DRC11L: variants seen among roughly 807,000 people sequenced by gnomAD.
The protein encoded by DRC11L is dynein regulatory complex subunit 11 like.
the DRC11L span, chr7:151,203,104 G>A: frequency 2.5e-6 from 1 of 399,244 alleles, no homozygotes; most frequent in Non-Finnish European, 4.4e-6. Context: ...GCTCTGGCCA[G>A]AGCAGGGGCA....
At chr7:151,192,441 G>T in the DRC11L span, 4 of 399,314 alleles carry the variant, frequency 1.0e-5, no homozygotes, top group African/African-American at 8.2e-5. Flanking sequence ...TTCTTTATCC[G>T]CTTTGGGTCC....
At chr7:151,205,028 G>A in the DRC11L span, among the ~76,000 whole-genome samples, 1 of 152,244 alleles carries the variant, frequency 6.6e-6, no homozygotes, top group Admixed American at 6.5e-5. Flanking sequence ...CTTAGGGAGA[G>A]TGTGGGATTG....
chr7:151,197,154 C>T, the DRC11L span: 4 of 399,694 alleles, frequency 1.0e-5, 1 homozygote, highest in East Asian at 3.6e-5. Context: ...CGAGTTCCCC[C>T]ACACCTTCTC....
At chr7:151,203,020 C>G in the DRC11L span, 2 of 399,796 alleles carry the variant, frequency 5.0e-6, no homozygotes, top group Non-Finnish European at 8.8e-6. Context: ...GAAGGTGGCT[C>G]GAAGCCGGCC....
At chr7:151,196,687 G>C in the DRC11L span, 137 of 398,162 alleles carry the variant, frequency 3.4e-4, no homozygotes, top group Non-Finnish European at 5.6e-4. Flanking sequence ...CAGGAGCCAG[G>C]CCCTGGCTGG....
chr7:151,195,367 C>T, the DRC11L span: 31 of 398,984 alleles, frequency 7.8e-5, no homozygotes, highest in African/African-American at 6.0e-4. Flanking sequence ...CAGTCAGGTC[C>T]CTGGACTGGG....
the DRC11L span, among the ~76,000 whole-genome samples, chr7:151,193,942 A>T: frequency 6.6e-6 from 1 of 150,874 alleles, no homozygotes; most frequent in Non-Finnish European, 1.5e-5. Flanking sequence ...GGGATAAATC[A>T]CTTCAGAAAG....
the DRC11L span, chr7:151,204,383 A>AAC: frequency 1.3e-5 from 5 of 386,872 alleles, no homozygotes; most frequent in East Asian, 3.7e-5. Context: ...CCCCATCCCT[A>AAC]CCCCACCCGA....
chr7:151,194,057 G>T, the DRC11L span, among the ~76,000 whole-genome samples: 7 of 152,052 alleles, frequency 4.6e-5, no homozygotes, highest in African/African-American at 1.7e-4. Flanking sequence ...GGCTCTTTCA[G>T]CAGGTCAAGG....
At chr7:151,203,068 G>A in the DRC11L span, 50 of 399,434 alleles carry the variant, frequency 1.3e-4, 2 homozygotes, top group African/African-American at 1.0e-3. Flanking sequence ...TAGAATTATG[G>A]CCTCAGTCCG....
chr7:151,203,590 G>T, the DRC11L span: 1 of 397,898 alleles, frequency 2.5e-6, no homozygotes, highest in Non-Finnish European at 4.4e-6. Context: ...ACCATTTTTA[G>T]GGGCTTACAC....
the DRC11L span, chr7:151,196,436 C>T: frequency 2.5e-5 from 10 of 399,066 alleles, no homozygotes; most frequent in African/African-American, 1.4e-4. Flanking sequence ...AGCCCTGACC[C>T]TGTGCTCACA....
chr7:151,200,047 C>T, the DRC11L span, among the ~76,000 whole-genome samples: 2 of 152,228 alleles, frequency 1.3e-5, no homozygotes, highest in Admixed American at 1.3e-4. Context: ...GGTGCTCCTG[C>T]TGGCTTTATA....
At chr7:151,191,553 C>A in the DRC11L span, 2 of 398,230 alleles carry the variant, frequency 5.0e-6, no homozygotes, top group Non-Finnish European at 8.8e-6. Flanking sequence ...TTTGTGGGAG[C>A]AGAGAGAGGG....
At chr7:151,191,483 A>T in the DRC11L span, among the ~76,000 whole-genome samples, 2 of 151,820 alleles carry the variant, frequency 1.3e-5, no homozygotes, top group African/African-American at 4.8e-5. Flanking sequence ...TTTCCTGGTG[A>T]TTTCCTGCTC....
At chr7:151,198,321 G>A in the DRC11L span, among the ~76,000 whole-genome samples, 1 of 152,032 alleles carries the variant, frequency 6.6e-6, no homozygotes, top group Non-Finnish European at 1.5e-5. Flanking sequence ...AGGGTGGGTA[G>A]GTGGATGGGC....
the DRC11L span, chr7:151,191,883 G>A: frequency 1.0e-5 from 4 of 399,264 alleles, no homozygotes; most frequent in South Asian, 5.1e-4. Context: ...AGCACTGCAG[G>A]CATGTGGAAG....
chr7:151,204,436 AG>A, the DRC11L span: 2 of 398,528 alleles, frequency 5.0e-6, no homozygotes, highest in African/African-American at 4.1e-5. Context: ...CAGGTGGTCA[AG>A]GCCGGTCCCA....
the DRC11L span, chr7:151,191,582 G>A: frequency 2.0e-4 from 78 of 398,782 alleles, no homozygotes; most frequent in Middle Eastern, 1.9e-3. Context: ...TGTGCTTCAG[G>A]GGGCTGACTC....
Sources: gnomAD v4.1 joint callset for allele counts (sites outside exome capture counted in the v4.1 genomes callset) on GRCh38, gnomAD v4.1.1 for gene constraint, MANE v1.5 for transcripts, NCBI Gene and HGNC (gene_info 2026-07-23, HGNC 2026-07-21) for gene names.